ALMS1: variants seen among roughly 807,000 people sequenced by gnomAD.
ALMS1 encodes the protein ALMS1 centrosome and basal body associated protein, also known as centrosome-associated protein ALMS1.
Under a neutral mutation model 352.2 loss-of-function variants are expected in ALMS1, and 271 were observed. The ratio of observed to expected loss-of-function variants is 0.77; its 90% CI spans 0.70 to 0.85. ALMS1 has a LOEUF of 0.85. Ranked by LOEUF, ALMS1 falls within the 40% of genes least tolerant of loss-of-function variation. The pLI is 0.00. For synonymous variants in ALMS1, 1,865 were observed against 1,761.2 expected, an observed-to-expected ratio of 1.06 and a Z score of -1.48; for missense variants, 5,445 against 4,870.7, an observed-to-expected ratio of 1.12 and a Z score of -3.51.
chr2:73,481,692 A>T (rs921542160), intron 9 of ALMS1, among the ~76,000 whole-genome samples: 8 of 151,082 alleles, frequency 5.3e-5, no homozygotes, highest in African/African-American at 2.0e-4. Context: ...CACGATATTG[A>T]TTCTTCCTAC....
chr2:73,538,783 A>G (rs568541803), intron 12 of ALMS1, among the ~76,000 whole-genome samples: 10 of 152,070 alleles, frequency 6.6e-5, no homozygotes, highest in Non-Finnish European at 1.2e-4. Context: ...AGCCTCGCTC[A>G]TTGCTAGCAC....
intron 9 of ALMS1, among the ~76,000 whole-genome samples, chr2:73,465,433 A>AT (rs1558656771): frequency 6.6e-6 from 1 of 152,098 alleles, no homozygotes; most frequent in African/African-American, 2.4e-5. Context: ...CTGGCTAGCC[A>AT]TATGTAGAAA....
chr2:73,582,940 T>C (rs1166899391), intron 16 of ALMS1, among the ~76,000 whole-genome samples: 1 of 152,170 alleles, frequency 6.6e-6, no homozygotes, highest in East Asian at 1.9e-4. Context: ...TTTAACTTTT[T>C]GAGGAGCCTC....
chr2:73,400,983 C>T (rs763809082), intron 1 of ALMS1, among the ~76,000 whole-genome samples: 16 of 152,080 alleles, frequency 1.1e-4, no homozygotes, highest in East Asian at 1.9e-4. Context: ...TTTAGGGTTT[C>T]GCCACTTTGG....
intron 11 of ALMS1, among the ~76,000 whole-genome samples, chr2:73,530,593 T>C (rs1673887957): frequency 1.3e-5 from 2 of 152,210 alleles, no homozygotes; most frequent in South Asian, 4.1e-4. Context: ...GTCTAGAGGA[T>C]GGTGGCCCTC....
chr2:73,514,318 CTTTT>C (rs1332038618), intron 10 of ALMS1, among the ~76,000 whole-genome samples: 1 of 151,528 alleles, frequency 6.6e-6, no homozygotes, highest in Non-Finnish European at 1.5e-5. Flanking sequence ...GCTTCTTTTA[CTTTT>C]TTTTCTTTTA....
chr2:73,487,357 C>G (rs889121903), intron 9 of ALMS1, among the ~76,000 whole-genome samples: 2 of 152,138 alleles, frequency 1.3e-5, no homozygotes, highest in Non-Finnish European at 2.9e-5. Flanking sequence ...AGTGCTGGCA[C>G]TGGTGCTGGC....
chr2:73,562,508 A>G (rs562304442), intron 15 of ALMS1, among the ~76,000 whole-genome samples: 3 of 152,230 alleles, frequency 2.0e-5, no homozygotes. Flanking sequence ...CAGGCAGAGG[A>G]CAGGGAGGTT....
intron 9 of ALMS1, among the ~76,000 whole-genome samples, chr2:73,482,845 G>C (rs1242588846): frequency 6.6e-6 from 1 of 151,648 alleles, no homozygotes; most frequent in African/African-American, 2.4e-5. Flanking sequence ...ATTTCTTCTA[G>C]ATTTTCTAGT....
At chr2:73,439,978 A>G (rs190709547) in intron 7 of ALMS1, among the ~76,000 whole-genome samples, 1 of 151,802 alleles carries the variant, frequency 6.6e-6, no homozygotes, top group Non-Finnish European at 1.5e-5. Context: ...TTTAATTTTT[A>G]AAAATTATTT....
intron 15 of ALMS1, among the ~76,000 whole-genome samples, chr2:73,570,513 G>A (rs1243805445): frequency 6.6e-6 from 1 of 152,234 alleles, no homozygotes; most frequent in Admixed American, 6.5e-5. Flanking sequence ...AGAGGTAAAG[G>A]AGAGGAAAAT....
chr2:73,393,189 A>G (rs775582471), intron 1 of ALMS1, among the ~76,000 whole-genome samples: 4 of 152,174 alleles, frequency 2.6e-5, no homozygotes, highest in Non-Finnish European at 5.9e-5. Flanking sequence ...TGCATATTAC[A>G]TATATAATCC....
Position 73,449,008 on chromosome 2 carries a change from C to CT in ALMS1, c.2481_2482insT (p.Ser828Ter), listed in dbSNP as rs1671869712. The stretch of plus-strand genomic sequence containing the variant: ...TTTTCTACCAACAGGCCTTGCTGGA[C>CT]AGCCATCTACCCGAAGAGGCTCTGA... On this transcript the variant is annotated frameshift_variant, in exon 8 of 23. Transcript: ENST00000613296. LOFTEE classifies it high-confidence loss of function. The CT allele has an allele frequency of 1.9e-6, 3 of 1,613,826 alleles. No individual in the cohort carries two copies. The South Asian group carries it at 3.3e-5, about 18-fold the overall frequency.
intron 2 of ALMS1, among the ~76,000 whole-genome samples, chr2:73,409,703 T>A (rs974580834): frequency 6.6e-6 from 1 of 152,172 alleles, no homozygotes; most frequent in African/African-American, 2.4e-5. Flanking sequence ...ACCAATAGGT[T>A]GGAGATAGAT....
chr2:73,505,368 T>A (rs1361469557), intron 10 of ALMS1, among the ~76,000 whole-genome samples: 1 of 152,218 alleles, frequency 6.6e-6, no homozygotes, highest in Admixed American at 6.5e-5. Flanking sequence ...TTTCTCCACA[T>A]CCTCTCCAGC....
At position 73,419,111 on chromosome 2, in the gene ALMS1, A is replaced by G. The variant is rs1274254541; in HGVS notation, c.451-12A>G. Reference sequence around the variant, plus strand: ...TAATGACTTAGCATGTTTTCCTTTAACATTTTTCTAGAAAACAGAATCTTG... The same window carrying G: ...TAATGACTTAGCATGTTTTCCTTTAGCATTTTTCTAGAAAACAGAATCTTG... On this transcript the variant is annotated splice_polypyrimidine_tract_variant and intron_variant, in intron 2 of 22. Transcript: ENST00000613296. 6.2e-7 allele frequency: 1 copy of G among 1,610,400 alleles called. No homozygotes were observed. The highest frequency in any genetic ancestry group is 1.1e-5 in the South Asian group (1 of 90,994).
chr2:73,519,886 G>A lies in ALMS1; in HGVS notation c.9651G>A (p.Glu3217=). 3.7e-6 allele frequency: 6 copies of A among 1,614,106 alleles called. No homozygotes were observed. The highest frequency in any genetic ancestry group is 2.2e-5 in the East Asian group (1 of 44,866). Residue 3217 remains glutamate (E), a synonymous_variant, in exon 11 of 23, where the codon GAG becomes GAA. Transcript: ENST00000613296. The stretch of plus-strand genomic sequence containing the variant: ...CAGAAAAGACCCTATTTTCATCTGA[G>A]ATTTTTATTAATGCTGAAGATCGTG... ...ESPEKTLFSS[E]IFINAEDRGH... is the part of the protein sequence containing the mutation.
chr2:73,602,165 C>G lies in ALMS1; in HGVS notation c.12115-20C>G, dbSNP rs1382520624. ...TCATTAATCTGAGGCTGGGCATTTT[C>G]TCTTTTTTTTTTCTTTTAGGAATCG... On this transcript the variant is annotated intron_variant, in intron 19 of 22. Coordinates refer to ENST00000613296, the MANE Select transcript of ALMS1 (RefSeq NM_001378454.1). 6.2e-7 allele frequency: 1 copy of G among 1,608,654 alleles called. No individual in the cohort carries two copies. Among genetic ancestry groups the G allele is most frequent in the Non-Finnish European group, 8.5e-7 (1 of 1,176,934 alleles).
At chr2:73,491,664 A>G (rs1672991105) in intron 10 of ALMS1, among the ~76,000 whole-genome samples, 166 bp downstream of exon 10, 1 of 152,090 alleles carries the variant, frequency 6.6e-6, no homozygotes. Flanking sequence ...TGTGTTAAGT[A>G]AGAGAGAACA....
Sources: gnomAD v4.1 joint callset for allele counts (sites outside exome capture counted in the v4.1 genomes callset) on GRCh38, gnomAD v4.1.1 for gene constraint, MANE v1.5 for transcripts, NCBI Gene and HGNC (gene_info 2026-07-23, HGNC 2026-07-21) for gene names.